FOXP2: variants seen among roughly 807,000 people sequenced by gnomAD.
The protein encoded by FOXP2 is forkhead box protein P2.
Under a neutral mutation model 115.8 loss-of-function variants are expected in FOXP2, and 12 were observed. The ratio of observed to expected loss-of-function variants is 0.10; its 90% CI spans 0.07 to 0.17. FOXP2 has a LOEUF of 0.17. Ranked by LOEUF, FOXP2 falls within the 10% of genes least tolerant of loss-of-function variation. FOXP2 has a pLI of 1.00. For synonymous variants in FOXP2, 328 were observed against 297.7 expected, an observed-to-expected ratio of 1.10 and a Z score of -1.05; for missense variants, 629 against 843.5, an observed-to-expected ratio of 0.75 and a Z score of 3.15.
At chr7:114,628,890 G>A (rs189319154) in intron 4 of FOXP2, 4 of 554,920 alleles carry the variant, frequency 7.2e-6, no homozygotes, top group South Asian at 6.3e-5. Context: ...TCTAGAATAA[G>A]AGCAGAGAGA....
At chr7:114,657,806 G>C (rs530969302) in intron 10 of FOXP2, among the ~76,000 whole-genome samples, 2 of 152,240 alleles carry the variant, frequency 1.3e-5, no homozygotes, top group South Asian at 4.1e-4. Flanking sequence ...ATAGACTTTC[G>C]CTGAAGTCTG....
In FOXP2 at chr7:114,658,199, C is replaced by G; in HGVS notation, c.1400C>G (p.Ala467Gly). Residue 467 changes from alanine to glycine, a missense_variant, in exon 11 of 17, where the codon GCC becomes GGC. Transcript: ENST00000350908. ...ITQGPSVITPASVPNVGAIRR... is the reference protein window; with the variant it reads ...ITQGPSVITPGSVPNVGAIRR... ...CAGGGACCCTCAGTAATCACCCCAG[C>G]CAGTGTGCCCAATGTGGGAGCCATA... 6.2e-7 allele frequency: 1 copy of G among 1,613,848 alleles called. No homozygotes were observed. Among genetic ancestry groups the G allele is most frequent in the Non-Finnish European group, 8.5e-7 (1 of 1,179,876 alleles).
intron 2 of FOXP2, among the ~76,000 whole-genome samples, chr7:114,320,935 G>C (rs1584634131): frequency 6.6e-6 from 1 of 152,088 alleles, no homozygotes; most frequent in African/African-American, 2.4e-5. Flanking sequence ...AGGTTCCTGT[G>C]CTCCTAAGGC....
intron 2 of FOXP2, among the ~76,000 whole-genome samples, chr7:114,310,521 T>C (rs1254615672): frequency 6.6e-6 from 1 of 152,086 alleles, no homozygotes; most frequent in Non-Finnish European, 1.5e-5. Flanking sequence ...TTTTTTTTTT[T>C]TTTAAGTGGG....
chr7:114,112,178 C>T (rs1046503489), intron 1 of FOXP2, among the ~76,000 whole-genome samples: 1 of 152,076 alleles, frequency 6.6e-6, no homozygotes, highest in Non-Finnish European at 1.5e-5. Flanking sequence ...TTTTAAATCA[C>T]CTTGAAACAC....
intron 1 of FOXP2, among the ~76,000 whole-genome samples, chr7:114,167,959 A>G (rs1793028693): frequency 6.8e-6 from 1 of 147,552 alleles, no homozygotes; most frequent in Non-Finnish European, 1.5e-5. Flanking sequence ...AAAAAACACG[A>G]GAGTTTGCCT....
intron 1 of FOXP2, among the ~76,000 whole-genome samples, chr7:114,226,400 C>G (rs779925339): frequency 3.9e-5 from 6 of 152,146 alleles, no homozygotes; most frequent in Non-Finnish European, 8.8e-5. Context: ...CTCAGCCACT[C>G]CCTTGAAGAT....
At chr7:114,136,904 T>C (rs892836404) in intron 1 of FOXP2, among the ~76,000 whole-genome samples, 3 of 152,024 alleles carry the variant, frequency 2.0e-5, no homozygotes, top group Non-Finnish European at 4.4e-5. Flanking sequence ...TCCTTAAAGA[T>C]TGTTTATGGC....
At chr7:114,309,240 T>C (rs940122502) in intron 2 of FOXP2, among the ~76,000 whole-genome samples, 37 of 152,208 alleles carry the variant, frequency 2.4e-4, no homozygotes, top group African/African-American at 8.9e-4. Context: ...CAGTTGTCAC[T>C]TGGCTCTCTT....
intron 13 of FOXP2, among the ~76,000 whole-genome samples, chr7:114,660,253 T>C (rs570928937): frequency 3.3e-4 from 50 of 152,180 alleles, no homozygotes; most frequent in Non-Finnish European, 6.0e-4. Flanking sequence ...TGTCTGAATC[T>C]TACAAGGAGC....
At chr7:114,601,085 T>A (rs1283448339) in intron 3 of FOXP2, among the ~76,000 whole-genome samples, 2 of 152,032 alleles carry the variant, frequency 1.3e-5, no homozygotes, top group Non-Finnish European at 2.9e-5. Context: ...TGCCTTAGTC[T>A]CCCAAGTAGC....
intron 2 of FOXP2, among the ~76,000 whole-genome samples, chr7:114,453,897 C>T (rs1036923271): frequency 2.0e-5 from 3 of 151,992 alleles, no homozygotes; most frequent in African/African-American, 7.3e-5. Context: ...AAACATTAGA[C>T]CTAAAACCAT....
chr7:114,663,902 A>T (rs139665308), intron 15 of FOXP2, among the ~76,000 whole-genome samples: 122 of 152,248 alleles, frequency 8.0e-4, no homozygotes, highest in African/African-American at 2.8e-3. Flanking sequence ...ATTTTTATGC[A>T]GAGGAGGCAA....
intron 1 of FOXP2, among the ~76,000 whole-genome samples, chr7:114,253,981 A>G (rs1043245567): frequency 6.6e-6 from 1 of 152,174 alleles, no homozygotes; most frequent in Non-Finnish European, 1.5e-5. Context: ...CTTGTAGGGC[A>G]GGCCTGATGG....
At chr7:114,672,395 G>A in intron 16 of FOXP2, among the ~76,000 whole-genome samples, 1 of 152,068 alleles carries the variant, frequency 6.6e-6, no homozygotes, top group South Asian at 2.1e-4. Flanking sequence ...GACCAGCCTG[G>A]CCAATGTGGC....
intron 2 of FOXP2, among the ~76,000 whole-genome samples, chr7:114,496,268 G>A (rs1797317093): frequency 6.6e-6 from 1 of 152,096 alleles, no homozygotes; most frequent in African/African-American, 2.4e-5. Context: ...AAATTTGGCA[G>A]AATTTACTAC....
chr7:114,163,704 CAGAAGTTGATAGA>C (rs1354305524), intron 1 of FOXP2, among the ~76,000 whole-genome samples: 1 of 152,094 alleles, frequency 6.6e-6, no homozygotes, highest in Non-Finnish European at 1.5e-5. Flanking sequence ...TGTTGCTGTT[CAGAAGTTGATAGA>C]AGGAGGATTG....
intron 2 of FOXP2, among the ~76,000 whole-genome samples, chr7:114,440,881 C>CA (rs1461524155): frequency 2.7e-4 from 40 of 150,924 alleles, no homozygotes; most frequent in African/African-American, 8.8e-4. Context: ...GGAATAGAAC[C>CA]AAAAAAAGAA....
chr7:114,639,668 T>C (rs1805419280), intron 6 of FOXP2, among the ~76,000 whole-genome samples: 1 of 151,846 alleles, frequency 6.6e-6, no homozygotes, highest in African/African-American at 2.4e-5. Flanking sequence ...CAAGAACAGG[T>C]TGTGGGAACA....
Sources: gnomAD v4.1 joint callset for allele counts (sites outside exome capture counted in the v4.1 genomes callset) on GRCh38, gnomAD v4.1.1 for gene constraint, MANE v1.5 for transcripts, NCBI Gene and HGNC (gene_info 2026-07-23, HGNC 2026-07-21) for gene names.